Variants in CYTL1 observed in about 807,000 individuals in gnomAD.
CYTL1 encodes the protein cytokine like 1, also known as cytokine-like protein 1.
A neutral mutation model predicts 13.1 loss-of-function variants in CYTL1; 17 were observed. The ratio of observed to expected loss-of-function variants is 1.29; its 90% CI spans 0.89 to 1.94. CYTL1 has a LOEUF of 1.94. CYTL1 is among the 30% of genes most tolerant of loss of function. CYTL1 has a pLI of 0.00. For missense variants in CYTL1, 213 were observed against 174.8 expected (o/e 1.22, Z -1.23); for synonymous variants, 91 against 79.4 (o/e 1.15, Z -0.78).
chr4:5,016,819 C>G lies in CYTL1; in HGVS notation c.327+17G>C, dbSNP rs370212206. 6.2e-7 allele frequency: 1 copy of G among 1,613,800 alleles called. No homozygotes were observed. Among genetic ancestry groups the G allele is most frequent in the African/African-American group, 1.3e-5 (1 of 74,912 alleles). On this transcript the variant is annotated intron_variant, in intron 3 of 3. Transcript: ENST00000307746. ...TGATAGCAAGTAGAAAATAGACTTT[C>G]AATGGCATCCACTTACTCTCCTGCA...
Position 5,015,036 on chromosome 4 carries a change from A to G in CYTL1, c.*115T>C. On this transcript the variant is annotated 3_prime_UTR_variant, in exon 4 of 4. Coordinates refer to ENST00000307746, the MANE Select transcript of CYTL1 (RefSeq NM_018659.3). ...TTTCCAGAAGGTAGAGAGATACATA[A>G]CAGTTTCAGATACAACTAACACAAG... is the stretch of plus-strand genomic sequence containing the variant. 1.2e-6 allele frequency: 1 copy of G among 864,146 alleles called. No individual in the cohort carries two copies. Among genetic ancestry groups the G allele is most frequent in the South Asian group, 1.4e-5 (1 of 70,088 alleles). 53.5% of individuals were successfully genotyped at this position (864,146 alleles called of 1,614,324 possible). A position where few individuals can be genotyped will look rare whatever the true frequency, so the allele number is the denominator to read the frequency against.
At position 5,017,165 on chromosome 4, in the gene CYTL1, T is replaced by A; in HGVS notation, c.168A>T (p.Arg56Ser). 1 of 1,614,026 alleles carries A rather than the reference T, an allele frequency of 6.2e-7. No homozygotes were observed. The highest frequency in any genetic ancestry group is 1.3e-5 in the African/African-American group (1 of 75,044). ...TGTCCAGGTACAGCCTGGGCAGGTA[T>A]CTCACACATGGCTCCTGTGGAAAGG... ...QVSEPSEPCV[R>S]YLPRLYLDIH... The change falls in exon 2 of 4, where the codon AGA becomes AGT. Residue 56 changes from arginine (R) to serine (S), a missense_variant. Coordinates refer to ENST00000307746, the MANE Select transcript of CYTL1 (RefSeq NM_018659.3).
At chr4:5,015,367 C>A (rs1267651974) in intron 3 of CYTL1, 133 bp from the exon 4 acceptor site, 2 of 651,548 alleles carry the variant, frequency 3.1e-6, no homozygotes, top group African/African-American at 1.8e-5. Context: ...CCATGCCTTA[C>A]TCTCCCCAAA....
At position 5,019,357 on chromosome 4, in the gene CYTL1, C is replaced by T. The variant is rs1440843551; in HGVS notation, c.89G>A (p.Arg30His). 2.6e-6 allele frequency: 4 copies of T among 1,512,132 alleles called. No homozygotes were observed. The highest frequency in any genetic ancestry group is 2.6e-5 in the Admixed American group (1 of 38,948). The allele number at this position is 1,512,132 out of a possible 1,614,324, so 93.7% of individuals were successfully genotyped here. A position where few individuals can be genotyped will look rare whatever the true frequency, so the allele number is the denominator to read the frequency against. The change falls in exon 1 of 4, where the codon CGC (arginine) becomes CAC (histidine). Residue 30 changes from arginine to histidine, a missense_variant. By Grantham distance (29) the Arg-to-His change is conservative. Coordinates refer to ENST00000307746, the MANE Select transcript of CYTL1 (RefSeq NM_018659.3). ...ARPTPPTCYS[R>H]MRALSQEITR... Reference sequence around the variant, plus strand: ...GATCTCCTGGCTCAGGGCCCGCATGCGGGAGTAGCAGGTCGGGGGAGTGGG... The same window carrying T: ...GATCTCCTGGCTCAGGGCCCGCATGTGGGAGTAGCAGGTCGGGGGAGTGGG...
At position 5,016,942 on chromosome 4, in the gene CYTL1, A is replaced by G. The variant is rs140867305; in HGVS notation, c.221T>C (p.Leu74Pro). The G allele has an allele frequency of 1.2e-6, 2 of 1,614,216 alleles. No homozygotes were observed. The highest frequency in any genetic ancestry group is 1.7e-6 in the Non-Finnish European group (2 of 1,180,038). ...DIHNYCVLDK[L>P]RDFVASPPCW... ...CGGGGGCGAGGCCACAAAGTCCCGC[A>G]GCTTGTCCAGCACACAGTAATTCTG... The change falls in exon 3 of 4, where the codon CTG becomes CCG. Residue 74 changes from leucine (L) to proline (P), a missense_variant. Physicochemically the swap from Leu to Pro is moderately conservative, Grantham distance 98. Coordinates refer to ENST00000307746, the MANE Select transcript of CYTL1 (RefSeq NM_018659.3).
rs35755546 is a variant in CYTL1 at position 5,019,294 on chromosome 4, G to A, written c.152C>T (p.Ser51Leu). The A allele has an allele frequency of 0.023, 34,814 of 1,486,232 alleles. 601 individuals carry two copies. Among genetic ancestry groups the A allele is most frequent in the South Asian group, 0.066 (4,781 of 72,596 alleles). The allele number at this position is 1,486,232 out of a possible 1,614,324, so 92.1% of individuals were successfully genotyped here. Residue 51 changes from serine (S) to leucine (L), a missense_variant and splice_region_variant, in exon 1 of 4, where the codon TCG becomes TTG. Physicochemically the swap from Ser to Leu is moderately radical, Grantham distance 145. Transcript: ENST00000307746. Reference sequence around the variant, plus strand: ...GTCCTGAGCGGGCGGGGGACTCACCGAGGGCTCCGAGACCTGCAGGAGGTT... The same window carrying A: ...GTCCTGAGCGGGCGGGGGACTCACCAAGGGCTCCGAGACCTGCAGGAGGTT... ...DFNLLQVSEP[S>L]EPCVRYLPRL...
At chr4:5,016,522 C>T (rs1043996912) in intron 3 of CYTL1, among the ~76,000 whole-genome samples, 5 of 152,164 alleles carry the variant, frequency 3.3e-5, no homozygotes, top group African/African-American at 1.2e-4. Context: ...CACACCTGAA[C>T]CTCCTCCTGC....
rs558515410 is a variant in CYTL1, at chr4:5,015,251, A to G, written c.328-17T>C. The G allele has an allele frequency of 1.1e-5, 18 of 1,605,252 alleles. No individual in the cohort carries two copies. Among genetic ancestry groups the G allele is most frequent in the South Asian group, 1.1e-4 (10 of 89,916 alleles). On this transcript the variant is annotated splice_polypyrimidine_tract_variant and intron_variant, in intron 3 of 3. Coordinates refer to ENST00000307746, the MANE Select transcript of CYTL1 (RefSeq NM_018659.3). ...TACCAAATCCTGAAAAAGATGTGCA[A>G]TGAGCAGGAAAGTTACTGAAGGTGG...
At chr4:5,016,358 T>G (rs190996578) in intron 3 of CYTL1, among the ~76,000 whole-genome samples, 1 of 152,344 alleles carries the variant, frequency 6.6e-6, no homozygotes, top group East Asian at 1.9e-4. Context: ...AGACAGGCAC[T>G]CCCACTTGGG....
At position 5,019,298 on chromosome 4, in the gene CYTL1, G is replaced by T. The variant is rs1372385820; in HGVS notation, c.148C>A (p.Pro50Thr). The change falls in exon 1 of 4, where the codon CCC becomes ACC. Residue 50 changes from proline to threonine, a missense_variant. Transcript: ENST00000307746. Reference sequence around the variant, plus strand: ...TGAGCGGGCGGGGGACTCACCGAGGGCTCCGAGACCTGCAGGAGGTTGAAG... The same window carrying T: ...TGAGCGGGCGGGGGACTCACCGAGGTCTCCGAGACCTGCAGGAGGTTGAAG... ...RDFNLLQVSE[P>T]SEPCVRYLPR... 1 of 1,491,986 alleles carries T rather than the reference G, an allele frequency of 6.7e-7. No homozygotes were observed. The highest frequency in any genetic ancestry group is 8.9e-7 in the Non-Finnish European group (1 of 1,123,968). 92.4% of individuals were successfully genotyped at this position (1,491,986 alleles called of 1,614,324 possible).
chr4:5,016,987 G>C lies in CYTL1; in HGVS notation c.199-23C>G, dbSNP rs144928871. The stretch of plus-strand genomic sequence containing the variant: ...ATTCTGGGAGTGGGCAATGGGGAGG[G>C]GGCTTGTGGGAGAAGTCAGTAGCAA... On this transcript the variant is annotated intron_variant, in intron 2 of 3. Coordinates refer to ENST00000307746, the MANE Select transcript of CYTL1 (RefSeq NM_018659.3). 5.0e-6 allele frequency: 8 copies of C among 1,614,018 alleles called. No individual in the cohort carries two copies. In the South Asian group the frequency reaches 7.7e-5, roughly 16 times the overall value.
intron 3 of CYTL1, 68 bp downstream of exon 3, chr4:5,016,768 C>G (rs571970955): frequency 1.3e-6 from 2 of 1,591,146 alleles, no homozygotes; most frequent in Non-Finnish European, 1.7e-6. Flanking sequence ...CAACTCTCCT[C>G]TTTGAAAAGC....
Position 5,019,396 on chromosome 4 carries a change from G to T in CYTL1, c.50C>A (p.Ala17Asp), listed in dbSNP as rs774236287. The T allele has an allele frequency of 1.3e-6, 2 of 1,492,238 alleles. No homozygotes were observed. The highest frequency in any genetic ancestry group is 8.9e-7 in the Non-Finnish European group (1 of 1,129,004). 92.4% of individuals were successfully genotyped at this position (1,492,238 alleles called of 1,614,324 possible). ...CGGGGGAGTGGGCCGCGCGGCGGGGGCTCCCGCCAGGAGCAGCAGCAGCAC... is the reference window on the plus strand; with the variant it reads ...CGGGGGAGTGGGCCGCGCGGCGGGGTCTCCCGCCAGGAGCAGCAGCAGCAC... ...LPVLLLLLAGAPAARPTPPTC... is the reference protein window; with the variant it reads ...LPVLLLLLAGDPAARPTPPTC... The change falls in exon 1 of 4, where the codon GCC (alanine) becomes GAC (aspartate). Residue 17 changes from alanine (A) to aspartate (D), a missense_variant. Physicochemically the swap from Ala to Asp is moderately radical, Grantham distance 126. Coordinates refer to ENST00000307746, the MANE Select transcript of CYTL1 (RefSeq NM_018659.3).
rs1741092951 is a variant in CYTL1, at chr4:5,017,170, C to A, written c.163G>T (p.Val55Leu). Reference protein sequence around the residue: ...LQVSEPSEPCVRYLPRLYLDI... With the variant: ...LQVSEPSEPCLRYLPRLYLDI... ...AGGTACAGCCTGGGCAGGTATCTCA[C>A]ACATGGCTCCTGTGGAAAGGGATAA... Residue 55 changes from valine (V) to leucine (L), a missense_variant, in exon 2 of 4, where the codon GTG becomes TTG. Physicochemically the swap from Val to Leu is conservative, Grantham distance 32 (BLOSUM62 1). Coordinates refer to ENST00000307746, the MANE Select transcript of CYTL1 (RefSeq NM_018659.3). 6.2e-7 allele frequency: 1 copy of A among 1,614,012 alleles called. No individual in the cohort carries two copies. The highest frequency in any genetic ancestry group is 1.3e-5 in the African/African-American group (1 of 75,050).
rs181452793 is a variant in CYTL1 at position 5,015,112 on chromosome 4, C to G, written c.*39G>C. The G allele has an allele frequency of 1.3e-6, 2 of 1,568,354 alleles. No individual in the cohort carries two copies. Among genetic ancestry groups the G allele is most frequent in the African/African-American group, 1.3e-5 (1 of 74,094 alleles). ...CATTAAGTCTGGGTAGCTGACATAA[C>G]TGTAGTTCTCTTGGGTTCTTTCTCT... On this transcript the variant is annotated 3_prime_UTR_variant, in exon 4 of 4. Transcript: ENST00000307746.
At chr4:5,017,251 C>T (rs1741095452) in intron 1 of CYTL1, 72 bp from the exon 2 acceptor site, 1 of 1,495,886 alleles carries the variant, frequency 6.7e-7, no homozygotes, top group South Asian at 1.2e-5. Flanking sequence ...CCCTAGTGGC[C>T]CTCTCAACAG....
intron 1 of CYTL1, among the ~76,000 whole-genome samples, chr4:5,018,653 A>T (rs948525750): frequency 6.6e-6 from 1 of 152,204 alleles, no homozygotes; most frequent in East Asian, 1.9e-4. Flanking sequence ...CTGCCTCTGA[A>T]GATCGTGCTC....
At chr4:5,019,003 C>CTTTTTTTTTTTTTTTTTTTTTT (rs1186542271) in intron 1 of CYTL1, among the ~76,000 whole-genome samples, 2 of 89,644 alleles carry the variant, frequency 2.2e-5, no homozygotes, top group Non-Finnish European at 4.2e-5. Context: ...TTTCTTTTTT[C>CTTTTTTTTTTTTTTTTTTTTTT]TTTTTTTTTT....
chr4:5,017,366 G>A (rs917423486), intron 1 of CYTL1, among the ~76,000 whole-genome samples, 187 bp from the exon 2 acceptor site: 11 of 152,160 alleles, frequency 7.2e-5, no homozygotes, highest in East Asian at 1.9e-4. Flanking sequence ...CTGCGCTTCC[G>A]GAATTAGACT....
Sources: gnomAD v4.1 joint callset for allele counts (sites outside exome capture counted in the v4.1 genomes callset) on GRCh38, gnomAD v4.1.1 for gene constraint, MANE v1.5 for transcripts, NCBI Gene and HGNC (gene_info 2026-07-23, HGNC 2026-07-21) for gene names.